The following MITF variants were observed in gnomAD, a reference collection of about 807,000 sequenced individuals.
The protein encoded by MITF is melanocyte inducing transcription factor, also known as microphthalmia-associated transcription factor.
Under a neutral mutation model 60.5 loss-of-function variants are expected in MITF, and 17 were observed. The ratio of observed to expected loss-of-function variants is 0.28; its 90% CI spans 0.19 to 0.42. The LOEUF is 0.42. Among genes scored for constraint, MITF ranks in the 10% least tolerant of loss-of-function variants. The probability of loss-of-function intolerance (pLI) is 1.00; values close to 1 mark genes in which losing one functional copy is unlikely to be tolerated. For missense variants in MITF, 622 were observed against 683.5 expected, an observed-to-expected ratio of 0.91 and a Z score of 1.00; for synonymous variants, 260 against 248.5, an observed-to-expected ratio of 1.05 and a Z score of -0.43.
chr3:69,778,312 G>C (rs1211022900), intron 1 of MITF, among the ~76,000 whole-genome samples: 3 of 152,180 alleles, frequency 2.0e-5, no homozygotes, highest in Non-Finnish European at 4.4e-5. Flanking sequence ...GGGTATAATA[G>C]ATGAGTATAG....
chr3:69,964,977 A>T lies in MITF; in HGVS notation c.1310A>T (p.Gln437Leu), dbSNP rs1376096651. 3.1e-6 allele frequency: 5 copies of T among 1,614,148 alleles called. No individual in the cohort carries two copies. The highest frequency in any genetic ancestry group is 4.5e-5 in the East Asian group (2 of 44,864). ...GAGAACTGCAGCCAAGACCTCCTTCAGCATCATGCAGACCTAACCTGTACA... is the reference window on the plus strand; with the variant it reads ...GAGAACTGCAGCCAAGACCTCCTTCTGCATCATGCAGACCTAACCTGTACA... The part of the protein sequence containing the change: ...VLENCSQDLL[Q>L]HHADLTCTTT... Residue 437 changes from glutamine to leucine, a missense_variant, in exon 10 of 10, where the codon CAG becomes CTG. Transcript: ENST00000352241.
At chr3:69,910,473 C>G (rs75976046) in intron 2 of MITF, among the ~76,000 whole-genome samples, 2,351 of 152,222 alleles carry the variant, frequency 0.015, 29 homozygotes, top group Middle Eastern at 0.051. Context: ...AATGGTAGAT[C>G]CACTGACAGC....
intron 1 of MITF, among the ~76,000 whole-genome samples, chr3:69,876,488 C>T (rs1319877245): frequency 1.3e-5 from 2 of 151,856 alleles, no homozygotes; most frequent in East Asian, 1.9e-4. Context: ...TACATTTGAG[C>T]TTTGAACACA....
rs143648888 is a variant in MITF, at chr3:69,950,627, G to GTATA, written c.881-1167_881-1164dup. ...CCCATATAATAAATATATATGGTGT[G>GTATA]TATATATATATATATATATATGCTT... is the stretch of plus-strand genomic sequence containing the variant. On this transcript the variant is annotated intron_variant, in intron 6 of 9. Transcript: ENST00000352241. Among the ~76,000 whole-genome samples, 886 of 138,036 alleles carry GTATA rather than the reference G, an allele frequency of 6.4e-3. 5 individuals are homozygous for GTATA. The highest frequency in any genetic ancestry group is 0.012 in the African/African-American group (442 of 37,294). 90.6% of individuals were successfully genotyped at this position (138,036 alleles called of 152,430 possible).
At chr3:69,847,236 C>T (rs1231587961) in intron 1 of MITF, among the ~76,000 whole-genome samples, 1 of 152,112 alleles carries the variant, frequency 6.6e-6, no homozygotes, top group African/African-American at 2.4e-5. Flanking sequence ...CATGAGCTCA[C>T]AGTAAGAGCT....
At chr3:69,745,047 T>C (rs1703670470) in intron 1 of MITF, among the ~76,000 whole-genome samples, 1 of 152,136 alleles carries the variant, frequency 6.6e-6, no homozygotes, top group Non-Finnish European at 1.5e-5. Flanking sequence ...CATGAGGTGA[T>C]CATAATAAAT....
Position 69,960,386 on chromosome 3 carries a change from G to A in MITF, c.1179+966G>A, listed in dbSNP as rs529334507. ...ATTTGTGCGTCATCCTACTCAGTGGGTATATGCACCAGTGTAAGCCGGAGA... is the reference window on the plus strand; with the variant it reads ...ATTTGTGCGTCATCCTACTCAGTGGATATATGCACCAGTGTAAGCCGGAGA... On this transcript the variant is annotated intron_variant, in intron 9 of 9. Transcript: ENST00000352241. 5.9e-5 allele frequency among the ~76,000 whole-genome samples: 9 copies of A among 152,236 alleles called. No homozygotes were observed. The South Asian group carries it at 1.5e-3, about 25-fold the overall frequency.
At chr3:69,899,685 G>T (rs1050086818) in intron 2 of MITF, among the ~76,000 whole-genome samples, 1 of 151,938 alleles carries the variant, frequency 6.6e-6, no homozygotes, top group African/African-American at 2.4e-5. Flanking sequence ...GAACATGAAG[G>T]TTTCTCCTAA....
chr3:69,919,466 G>GC (rs2065412943), intron 2 of MITF, among the ~76,000 whole-genome samples: 1 of 152,062 alleles, frequency 6.6e-6, no homozygotes, highest in Admixed American at 6.6e-5. Context: ...CAAAGAATTT[G>GC]CCATTGAAGC....
chr3:69,752,403 A>G (rs150840472), intron 1 of MITF: 1 of 152,320 alleles, frequency 6.6e-6, no homozygotes, highest in East Asian at 1.9e-4. Context: ...TGATATGGAC[A>G]GCGAAGTCCA....
At position 69,892,489 on chromosome 3, in the gene MITF, A is replaced by C. The variant is rs117833057; in HGVS notation, c.354+13106A>C. ...TTAGTGTTCACTCTTGGTTTTGTGC[A>C]TTCCATGAATTTGGGAAAATGTGTA... On this transcript the variant is annotated intron_variant, in intron 2 of 9. Coordinates refer to ENST00000352241, the MANE Select transcript of MITF (RefSeq NM_001354604.2). 9.3e-4 allele frequency among the ~76,000 whole-genome samples: 142 copies of C among 152,308 alleles called. 2 individuals carry two copies. In the East Asian group the frequency reaches 0.025, roughly 27 times the overall value.
At chr3:69,850,594 A>G (rs2107176031) in intron 1 of MITF, among the ~76,000 whole-genome samples, 1 of 152,272 alleles carries the variant, frequency 6.6e-6, no homozygotes, top group Admixed American at 6.5e-5. Context: ...CAAAGGAAAG[A>G]TTGTTTGCAT....
Position 69,794,777 on chromosome 3 carries a change from C to T in MITF, c.104+55076C>T, listed in dbSNP as rs555838248. On this transcript the variant is annotated intron_variant, in intron 1 of 9. Transcript: ENST00000352241. ...CCCCATCTTAGCCAGTAAGCACTTC[C>T]CGAAAGAATCCATTAGTCTGACCTC... 2.0e-5 allele frequency among the ~76,000 whole-genome samples: 3 copies of T among 152,298 alleles called. No individual in the cohort carries two copies. The South Asian group carries it at 6.2e-4, about 32-fold the overall frequency.
chr3:69,933,699 C>A (rs916841136), intron 2 of MITF, among the ~76,000 whole-genome samples: 4 of 152,206 alleles, frequency 2.6e-5, no homozygotes, highest in African/African-American at 9.6e-5. Context: ...GTCTATACTT[C>A]AGGTGTTCAG....
At chr3:69,803,187 A>C in intron 1 of MITF, among the ~76,000 whole-genome samples, 1 of 152,222 alleles carries the variant, frequency 6.6e-6, no homozygotes, top group East Asian at 1.9e-4. Flanking sequence ...GCTTCAGTAT[A>C]CAAAAGTCCA....
At chr3:69,946,888 C>T (rs1358128448) in intron 5 of MITF, among the ~76,000 whole-genome samples, 1 of 152,172 alleles carries the variant, frequency 6.6e-6, no homozygotes, top group East Asian at 1.9e-4. Flanking sequence ...ATCCATTTCT[C>T]ACTAGGTATC....
intron 7 of MITF, among the ~76,000 whole-genome samples, chr3:69,954,103 G>A (rs2066337314): frequency 6.6e-6 from 1 of 151,956 alleles, no homozygotes; most frequent in East Asian, 1.9e-4. Flanking sequence ...ATAAATGATT[G>A]GAAAGGGAAG....
At chr3:69,957,628 G>A (rs1271081916) in intron 8 of MITF, among the ~76,000 whole-genome samples, 2 of 152,156 alleles carry the variant, frequency 1.3e-5, no homozygotes, top group Admixed American at 6.6e-5. Context: ...TTGCATGATA[G>A]TTGAAATTGA....
intron 2 of MITF, among the ~76,000 whole-genome samples, chr3:69,882,992 CTG>C (rs2064524569): frequency 6.6e-6 from 1 of 152,178 alleles, no homozygotes; most frequent in African/African-American, 2.4e-5. Flanking sequence ...CCCACTACCT[CTG>C]TCTCTCCCTC....
Sources: gnomAD v4.1 joint callset for allele counts (sites outside exome capture counted in the v4.1 genomes callset) on GRCh38, gnomAD v4.1.1 for gene constraint, MANE v1.5 for transcripts, NCBI Gene and HGNC (gene_info 2026-07-23, HGNC 2026-07-21) for gene names.